Variants in CFAP299 observed in about 807,000 individuals in gnomAD.
CFAP299 encodes the protein cilia- and flagella-associated protein 299.
In CFAP299, 21 loss-of-function variants were observed where a neutral mutation model predicts 27.0. That is an observed-to-expected ratio of 0.78 (90% confidence interval 0.55 to 1.12). The LOEUF (loss-of-function observed/expected upper bound fraction) is 1.12. Among genes scored for constraint, CFAP299 ranks in the 50% most tolerant of loss-of-function variants. The probability of loss-of-function intolerance (pLI) is 0.00; values close to 1 mark genes in which losing one functional copy is unlikely to be tolerated. For synonymous variants in CFAP299, 104 were observed against 98.1 expected, an observed-to-expected ratio of 1.06 and a Z score of -0.36; for missense variants, 310 against 276.6, an observed-to-expected ratio of 1.12 and a Z score of -0.86.
chr4:80,391,792 C>T (rs1725496008), intron 2 of CFAP299, among the ~76,000 whole-genome samples: 1 of 152,020 alleles, frequency 6.6e-6, no homozygotes, highest in African/African-American at 2.4e-5. Flanking sequence ...AATAGTGAGT[C>T]CCCCATCACT....
intron 2 of CFAP299, among the ~76,000 whole-genome samples, chr4:80,404,824 A>AT (rs1726334203): frequency 1.3e-5 from 2 of 152,018 alleles, no homozygotes; most frequent in African/African-American, 4.8e-5. Flanking sequence ...GTATTATAGT[A>AT]TTTTTAGTTT....
chr4:80,696,968 C>T (rs1721136734), intron 3 of CFAP299, among the ~76,000 whole-genome samples: 1 of 152,108 alleles, frequency 6.6e-6, no homozygotes. Context: ...ATGTTCAGTG[C>T]ACTTGAGACA....
intron 3 of CFAP299, among the ~76,000 whole-genome samples, chr4:80,664,489 T>A (rs993578091): frequency 6.6e-6 from 1 of 152,126 alleles, no homozygotes; most frequent in African/African-American, 2.4e-5. Context: ...TGCAGTGGGT[T>A]CCACCCAGTT....
intron 2 of CFAP299, among the ~76,000 whole-genome samples, chr4:80,509,312 T>C (rs1732186084): frequency 6.6e-6 from 1 of 152,200 alleles, no homozygotes; most frequent in Non-Finnish European, 1.5e-5. Flanking sequence ...CATGAGGAAA[T>C]ATTTTAGAGC....
At chr4:80,685,210 A>G (rs1429626129) in intron 3 of CFAP299, among the ~76,000 whole-genome samples, 1 of 152,178 alleles carries the variant, frequency 6.6e-6, no homozygotes, top group African/African-American at 2.4e-5. Context: ...TGGAGTTTTC[A>G]TTACTTATTC....
At chr4:80,572,507 GTTTTTTTTTTTT>G (rs550414533) in intron 2 of CFAP299, among the ~76,000 whole-genome samples, 31 of 36,390 alleles carry the variant, frequency 8.5e-4, no homozygotes, top group Non-Finnish European at 1.3e-3. Context: ...CTGGATCCCA[GTTTTTTTTTTTT>G]TTTTTTTTTT....
chr4:80,701,614 CA>C (rs1721485710), intron 3 of CFAP299, among the ~76,000 whole-genome samples: 1 of 151,838 alleles, frequency 6.6e-6, no homozygotes, highest in Non-Finnish European at 1.5e-5. Context: ...TTATTTTTCC[CA>C]CAAAAGTTTG....
At chr4:80,335,274 T>C (rs1393593924), upstream of CFAP299, among the ~76,000 whole-genome samples, 1 of 152,180 alleles carries the variant, frequency 6.6e-6, no homozygotes, top group Non-Finnish European at 1.5e-5. Context: ...ACACAAACAT[T>C]AGCAATAATT....
chr4:80,422,005 T>C (rs930862863), intron 2 of CFAP299, among the ~76,000 whole-genome samples: 13 of 152,212 alleles, frequency 8.5e-5, no homozygotes, highest in African/African-American at 3.1e-4. Flanking sequence ...TAGTTTTGTT[T>C]TTTATTTTCC....
At position 80,800,622 on chromosome 4, in the gene CFAP299, ATATTAATATAAATATATAATATATTAAT is replaced by A. The variant is rs1560419537; in HGVS notation, c.334-69370_334-69343del. Among the ~76,000 whole-genome samples, 63 of 101,476 alleles carry A rather than the reference ATATTAATATAAATATATAATATATTAAT, an allele frequency of 6.2e-4. 2 individuals carry two copies. Among genetic ancestry groups the A allele is most frequent in the African/African-American group, 2.6e-3 (63 of 23,836 alleles). 66.6% of individuals were successfully genotyped at this position (101,476 alleles called of 152,430 possible). Reference sequence around the variant, plus strand: ...TTAATATAAATATATAATATATAATATATTAATATAAATATATAATATATTAATATATATATGATATATTAATATAAAT... The same window carrying A: ...TTAATATAAATATATAATATATAATAATATATATGATATATTAATATAAAT... On this transcript the variant is annotated intron_variant, in intron 3 of 5. Coordinates refer to ENST00000358105, the MANE Select transcript of CFAP299 (RefSeq NM_152770.3).
intron 4 of CFAP299, among the ~76,000 whole-genome samples, chr4:80,878,704 A>C (rs1733541432): frequency 6.6e-6 from 1 of 152,046 alleles, no homozygotes; most frequent in Non-Finnish European, 1.5e-5. Flanking sequence ...TTTTCATTTA[A>C]TTTTCTAAAT....
intron 2 of CFAP299, among the ~76,000 whole-genome samples, chr4:80,571,144 G>A (rs1256899082): frequency 1.3e-5 from 2 of 152,198 alleles, no homozygotes; most frequent in Non-Finnish European, 2.9e-5. Flanking sequence ...CCATGCTGTA[G>A]GAGGTGGGAA....
chr4:80,530,793 CT>C (rs1733425508), intron 2 of CFAP299, among the ~76,000 whole-genome samples: 1 of 152,136 alleles, frequency 6.6e-6, no homozygotes, highest in African/African-American at 2.4e-5. Flanking sequence ...CAGAGCTGAT[CT>C]GGCAGAGAAC....
intron 4 of CFAP299, among the ~76,000 whole-genome samples, chr4:80,901,837 C>G (rs1465751489): frequency 2.0e-5 from 3 of 152,076 alleles, no homozygotes; most frequent in Non-Finnish European, 4.4e-5. Flanking sequence ...TAAATTAAAT[C>G]TCTTAAAGTT....
chr4:80,737,775 A>T (rs1217950191), intron 3 of CFAP299, among the ~76,000 whole-genome samples: 4 of 152,120 alleles, frequency 2.6e-5, no homozygotes, highest in Non-Finnish European at 4.4e-5. Context: ...AGAAAAAAAT[A>T]AAAATAAATT....
At chr4:80,358,429 G>C (rs1289053921) in intron 1 of CFAP299, among the ~76,000 whole-genome samples, 1 of 151,968 alleles carries the variant, frequency 6.6e-6, no homozygotes, top group Non-Finnish European at 1.5e-5. Context: ...ATTGTCATAG[G>C]GTGTTAAAAT....
At chr4:80,630,840 T>C (rs1739170407) in intron 3 of CFAP299, among the ~76,000 whole-genome samples, 1 of 152,074 alleles carries the variant, frequency 6.6e-6, no homozygotes, top group Admixed American at 6.6e-5. Flanking sequence ...TATTTTTTTC[T>C]TACACATACA....
At chr4:80,817,910 C>T (rs540989271) in intron 3 of CFAP299, among the ~76,000 whole-genome samples, 3 of 151,546 alleles carry the variant, frequency 2.0e-5, no homozygotes, top group African/African-American at 4.8e-5. Context: ...AAACTTGTGC[C>T]GTGGTGGTTT....
chr4:80,901,546 A>G (rs1382871720), intron 4 of CFAP299, among the ~76,000 whole-genome samples: 1 of 152,086 alleles, frequency 6.6e-6, no homozygotes, highest in African/African-American at 2.4e-5. Context: ...ATGCTTCGTG[A>G]CCCTTAGGAA....
Sources: gnomAD v4.1 joint callset for allele counts (sites outside exome capture counted in the v4.1 genomes callset) on GRCh38, gnomAD v4.1.1 for gene constraint, MANE v1.5 for transcripts, NCBI Gene and HGNC (gene_info 2026-07-23, HGNC 2026-07-21) for gene names.